Variants in SNX31 observed in about 807,000 individuals in gnomAD.
SNX31 encodes the protein sorting nexin 31, also known as sorting nexin-31.
In SNX31, 58 loss-of-function variants were observed where a neutral mutation model predicts 65.4. The ratio of observed to expected loss-of-function variants is 0.89; its 90% CI spans 0.72 to 1.10. SNX31 has a LOEUF of 1.10. SNX31 is among the 50% of genes least tolerant of loss of function. SNX31 has a pLI of 0.00. For missense variants in SNX31, 523 were observed against 529.7 expected, an observed-to-expected ratio of 0.99 and a Z score of 0.12; for synonymous variants, 181 against 190.1, an observed-to-expected ratio of 0.95 and a Z score of 0.39.
chr8:100,621,576 A>G (rs1817697171), intron 4 of SNX31, among the ~76,000 whole-genome samples: 2 of 152,218 alleles, frequency 1.3e-5, no homozygotes, highest in African/African-American at 4.8e-5. Context: ...AGACCCAGCT[A>G]ACATCCCCTC....
At chr8:100,641,834 T>C (rs1819263817) in intron 2 of SNX31, among the ~76,000 whole-genome samples, 1 of 150,206 alleles carries the variant, frequency 6.7e-6, no homozygotes, top group Non-Finnish European at 1.5e-5. Flanking sequence ...ATCCCAGCAC[T>C]TTGGGAGGCC....
Position 100,630,250 on chromosome 8 carries a change from G to A in SNX31, c.321+77C>T. The A allele has an allele frequency of 7.3e-7, 1 of 1,367,900 alleles. No individual in the cohort carries two copies. Among genetic ancestry groups the A allele is most frequent in the Non-Finnish European group, 1.0e-6 (1 of 960,466 alleles). The allele number at this position is 1,367,900 out of a possible 1,614,324, so 84.7% of individuals were successfully genotyped here. A position where few individuals can be genotyped will look rare whatever the true frequency, so the allele number is the denominator to read the frequency against. ...GGGGCTGTGACCAGTGCACACATGT[G>A]TGTGTACCTGCACACTTGGTTCATG... On this transcript the variant is annotated intron_variant, in intron 4 of 13. Coordinates refer to ENST00000311812, the MANE Select transcript of SNX31 (RefSeq NM_152628.4). This position sits in a 1 kb window ranked among gnomAD's most constrained non-coding sequence, Gnocchi z 5.3.
At chr8:100,577,698 C>T (rs1813162354) in intron 12 of SNX31, among the ~76,000 whole-genome samples, 1 of 152,172 alleles carries the variant, frequency 6.6e-6, no homozygotes, top group African/African-American at 2.4e-5. Context: ...AGGATTCTTA[C>T]CACCTCTAGG....
At position 100,623,380 on chromosome 8, in the gene SNX31, C is replaced by A. The variant is rs184842034; in HGVS notation, c.322-5650G>T. ...CAGGCTCCACCTCCAACACTGGGAA[C>A]TACAATTCAACATGGGATTTGGGGG... On this transcript the variant is annotated intron_variant, in intron 4 of 13. Coordinates refer to ENST00000311812, the MANE Select transcript of SNX31 (RefSeq NM_152628.4). Among the ~76,000 whole-genome samples the A allele has an allele frequency of 3.3e-3, 497 of 152,336 alleles. 1 individual carries two copies. The highest frequency in any genetic ancestry group is 0.011 in the African/African-American group (477 of 41,562).
At chr8:100,608,390 A>T in intron 8 of SNX31, 104 bp downstream of exon 8, 1 of 973,862 alleles carries the variant, frequency 1.0e-6, no homozygotes, top group Non-Finnish European at 1.6e-6. Context: ...TGCCTGTTTT[A>T]GGTGTGGAGG....
rs1328794116 is a variant in SNX31 at position 100,573,704 on chromosome 8, C to T, written c.*161G>A. 2.5e-6 allele frequency: 1 copy of T among 403,624 alleles called. No homozygotes were observed. The highest frequency in any genetic ancestry group is 3.7e-5 in the East Asian group (1 of 27,058). 25.0% of individuals were successfully genotyped at this position (403,624 alleles called of 1,614,324 possible). On this transcript the variant is annotated 3_prime_UTR_variant, in exon 14 of 14. Transcript: ENST00000311812. ...CTAATCTTGAGATTTCCATAGAGTG[C>T]TGTGGTATAATACCTTGATGAATAC...
chr8:100,625,825 T>C lies in SNX31; in HGVS notation c.321+4502A>G, dbSNP rs1162081474. On this transcript the variant is annotated intron_variant, in intron 4 of 13. Transcript: ENST00000311812. The surrounding 1 kb of genome is among the most constrained non-coding windows in gnomAD (Gnocchi z 4.2). ...CCGGGCCCCACTGGACACCACCTAG[T>C]GGCAGGGGATGCTGAAGAGATGTAC... 6.6e-6 allele frequency among the ~76,000 whole-genome samples: 1 copy of C among 152,150 alleles called. No individual in the cohort carries two copies. Among genetic ancestry groups the C allele is most frequent in the Non-Finnish European group, 1.5e-5 (1 of 68,034 alleles).
upstream of SNX31, among the ~76,000 whole-genome samples, chr8:100,649,832 G>A (rs1289882591): frequency 6.6e-6 from 1 of 152,220 alleles, no homozygotes; most frequent in African/African-American, 2.4e-5. Context: ...GCCCGTGAGG[G>A]GCTTGAAAAC....
At chr8:100,574,507 C>A (rs1812872758) in intron 13 of SNX31, among the ~76,000 whole-genome samples, 1 of 152,046 alleles carries the variant, frequency 6.6e-6, no homozygotes, top group Non-Finnish European at 1.5e-5. Flanking sequence ...GTGGCTGGCG[C>A]CTGTGGTCCG....
chr8:100,624,431 A>C (rs12544934), intron 4 of SNX31, among the ~76,000 whole-genome samples: 20,193 of 152,238 alleles, frequency 0.13, 1,523 homozygotes, highest in African/African-American at 0.19. Flanking sequence ...TCACTATTTC[A>C]CTGCTATTTT....
chr8:100,574,259 C>G (rs1475889525), intron 13 of SNX31, among the ~76,000 whole-genome samples: 1 of 152,210 alleles, frequency 6.6e-6, no homozygotes, highest in Admixed American at 6.5e-5. Context: ...CCTCTTTCCC[C>G]TCTTAAAGCC....
intron 10 of SNX31, among the ~76,000 whole-genome samples, chr8:100,595,621 A>T (rs1323137437): frequency 6.6e-6 from 1 of 152,202 alleles, no homozygotes; most frequent in Non-Finnish European, 1.5e-5. Flanking sequence ...AGTCAGAGAT[A>T]ACTTCAAGAT....
At chr8:100,595,183 C>G (rs1814957347) in intron 10 of SNX31, among the ~76,000 whole-genome samples, 2 of 152,156 alleles carry the variant, frequency 1.3e-5, no homozygotes, top group African/African-American at 4.8e-5. Flanking sequence ...GGGCTAAGAT[C>G]ATACAATATA....
At chr8:100,634,339 T>C (rs568196401) in intron 3 of SNX31, among the ~76,000 whole-genome samples, 1 of 152,256 alleles carries the variant, frequency 6.6e-6, no homozygotes, top group Admixed American at 6.5e-5. Context: ...CTCTGACATC[T>C]CTCAAGGGCT....
intron 4 of SNX31, chr8:100,618,454 T>C: frequency 1.4e-6 from 1 of 730,372 alleles, no homozygotes; most frequent in South Asian, 1.6e-5. Flanking sequence ...TTCTTGAACA[T>C]CACAATGGCT....
intron 4 of SNX31, among the ~76,000 whole-genome samples, chr8:100,627,915 A>C (rs187698398): frequency 0.066 from 10,082 of 152,302 alleles, 469 homozygotes; most frequent in Non-Finnish European, 0.096. Context: ...CAACTCCATC[A>C]AAAAGTGGGC....
chr8:100,614,133 A>G lies in SNX31; in HGVS notation c.433-1048T>C, dbSNP rs761581614. On this transcript the variant is annotated intron_variant, in intron 5 of 13. Transcript: ENST00000311812. The surrounding 1 kb of genome is among the most constrained non-coding windows in gnomAD (Gnocchi z 5.1). ...TTTGAAAATAAAGAGCAGCTGAGGA[A>G]TAGTTTCACCACTTTCAAAGCAATT... 7.2e-5 allele frequency among the ~76,000 whole-genome samples: 11 copies of G among 152,332 alleles called. No individual in the cohort carries two copies. Among genetic ancestry groups the G allele is most frequent in the Non-Finnish European group, 1.5e-4 (10 of 68,020 alleles).
intron 8 of SNX31, among the ~76,000 whole-genome samples, chr8:100,607,602 A>G (rs1816290471): frequency 6.6e-6 from 1 of 152,242 alleles, no homozygotes; most frequent in African/African-American, 2.4e-5. Flanking sequence ...CTAGCACAAC[A>G]GGATGACTAT....
chr8:100,646,940 A>G (rs7815950), intron 2 of SNX31, among the ~76,000 whole-genome samples: 9,997 of 152,312 alleles, frequency 0.066, 454 homozygotes, highest in Non-Finnish European at 0.095. Flanking sequence ...AACATTAACA[A>G]TATGACTTTA....
Sources: allele counts gnomAD v4.1 joint callset (sites outside exome capture counted in the v4.1 genomes callset), GRCh38; gene constraint gnomAD v4.1.1; non-coding constraint Gnocchi (gnomAD v3.1); transcripts MANE v1.5; gene names NCBI Gene and HGNC (gene_info 2026-07-23, HGNC 2026-07-21).